Variants in TRIM75 observed in about 807,000 individuals in gnomAD.
TRIM75 encodes the protein tripartite motif-containing protein 75.
At chr4:165,059,365 G>A in the TRIM75 span, 1 of 780,674 alleles carries the variant, frequency 1.3e-6, no homozygotes, top group Non-Finnish European at 2.4e-6. Flanking sequence ...CAGCTGGGAA[G>A]GATGATTGAA....
At chr4:165,059,761 T>C in the TRIM75 span, 1 of 780,896 alleles carries the variant, frequency 1.3e-6, no homozygotes, top group East Asian at 2.4e-5. Context: ...CTCTCCAGAT[T>C]AGCTGAAGAA....
chr4:165,059,244 CACA>C, the TRIM75 span: 3 of 780,448 alleles, frequency 3.8e-6, no homozygotes, highest in Non-Finnish European at 7.2e-6. Context: ...CGAATGTGGG[CACA>C]ACTTCTGTCG....
chr4:165,055,702 A>T, the TRIM75 span, among the ~76,000 whole-genome samples: 1 of 152,226 alleles, frequency 6.6e-6, no homozygotes. Context: ...AAATAGTGGC[A>T]GGACCTGAGC....
chr4:165,054,523 T>C, the TRIM75 span, among the ~76,000 whole-genome samples: 2 of 151,990 alleles, frequency 1.3e-5, no homozygotes, highest in South Asian at 2.1e-4. Flanking sequence ...CGCCGTGGCC[T>C]CCCAAAGTGC....
the TRIM75 span, chr4:165,060,349 C>T: frequency 1.3e-6 from 1 of 780,916 alleles, no homozygotes; most frequent in Non-Finnish European, 2.4e-6. Context: ...GGGGCTTTTC[C>T]AACCCCTCTG....
At chr4:165,056,598 G>GTC in the TRIM75 span, among the ~76,000 whole-genome samples, 2 of 108,514 alleles carry the variant, frequency 1.8e-5, no homozygotes, top group African/African-American at 6.7e-5. Context: ...CTCTGTCTCT[G>GTC]TCTCTTTTTT....
the TRIM75 span, among the ~76,000 whole-genome samples, chr4:165,054,119 A>G: frequency 1.2e-3 from 176 of 151,784 alleles, no homozygotes; most frequent in Admixed American, 8.5e-4. Context: ...TTGAGACGCA[A>G]TCACGCTCTG....
chr4:165,059,374 A>G, the TRIM75 span: 2 of 780,762 alleles, frequency 2.6e-6, no homozygotes, highest in Non-Finnish European at 4.8e-6. Flanking sequence ...AGGATGATTG[A>G]AATTGCCAAG....
the TRIM75 span, chr4:165,059,828 T>C: frequency 1.3e-6 from 1 of 780,850 alleles, no homozygotes; most frequent in South Asian, 1.3e-5. Context: ...CAAACTACAG[T>C]GCCACACTCA....
the TRIM75 span, among the ~76,000 whole-genome samples, chr4:165,055,271 G>A: frequency 2.0e-5 from 3 of 147,582 alleles, no homozygotes; most frequent in Admixed American, 6.8e-5. Context: ...ACTGTGCCTG[G>A]TAAGATAACT....
the TRIM75 span, among the ~76,000 whole-genome samples, chr4:165,054,432 T>A: frequency 1.3e-5 from 2 of 152,080 alleles, no homozygotes; most frequent in African/African-American, 2.4e-5. Flanking sequence ...CATGCCCAGC[T>A]AATTTTTTGT....
chr4:165,055,737 C>T, the TRIM75 span, among the ~76,000 whole-genome samples: 1 of 152,076 alleles, frequency 6.6e-6, no homozygotes, highest in African/African-American at 2.4e-5. Flanking sequence ...GATCAGCTGT[C>T]CAGAGATGCC....
At chr4:165,057,510 C>T in the TRIM75 span, among the ~76,000 whole-genome samples, 1 of 152,044 alleles carries the variant, frequency 6.6e-6, no homozygotes, top group African/African-American at 2.4e-5. Flanking sequence ...AAAGGAAAAA[C>T]TTTTTAAGTA....
chr4:165,060,061 C>A, the TRIM75 span: 1 of 780,714 alleles, frequency 1.3e-6, no homozygotes, highest in Non-Finnish European at 2.4e-6. Flanking sequence ...ACAGCACACC[C>A]TAACCTGATT....
chr4:165,059,523 C>T, the TRIM75 span: 2 of 780,948 alleles, frequency 2.6e-6, no homozygotes, highest in Non-Finnish European at 4.8e-6. Context: ...CCCTGACCAC[C>T]AGGGCCACCA....
chr4:165,055,283 CTT>C, the TRIM75 span, among the ~76,000 whole-genome samples: 475 of 129,502 alleles, frequency 3.7e-3, 3 homozygotes, highest in African/African-American at 9.7e-3. Context: ...AAGATAACTA[CTT>C]TTTTTTTTTT....
chr4:165,053,897 G>T, the TRIM75 span, among the ~76,000 whole-genome samples: 1 of 151,532 alleles, frequency 6.6e-6, no homozygotes, highest in African/African-American at 2.4e-5. Flanking sequence ...AGTATCTAGT[G>T]TGTGGCCTTT....
chr4:165,059,740 A>G, the TRIM75 span: 1 of 780,928 alleles, frequency 1.3e-6, no homozygotes, highest in Non-Finnish European at 2.4e-6. Flanking sequence ...GACCGTGAGC[A>G]ACAGGCAGTT....
the TRIM75 span, among the ~76,000 whole-genome samples, chr4:165,054,675 CA>C: frequency 6.6e-6 from 1 of 152,188 alleles, no homozygotes; most frequent in Non-Finnish European, 1.5e-5. Context: ...GCTGGGATTG[CA>C]GGCATGAACT....
Sources: gnomAD v4.1 joint callset for allele counts (sites outside exome capture counted in the v4.1 genomes callset) on GRCh38, gnomAD v4.1.1 for gene constraint, MANE v1.5 for transcripts, NCBI Gene and HGNC (gene_info 2026-07-23, HGNC 2026-07-21) for gene names.